The following NBEA variants were observed in gnomAD, a reference collection of about 807,000 sequenced individuals.
The protein encoded by NBEA is lysosomal-trafficking regulator 2.
Under a neutral mutation model 343.4 loss-of-function variants are expected in NBEA, and 44 were observed. That is an observed-to-expected ratio of 0.13 (90% CI 0.10 to 0.16). NBEA has a LOEUF of 0.16. NBEA is among the 10% of genes least tolerant of loss of function. The pLI, the probability that NBEA is intolerant of heterozygous loss-of-function variation, is 1.00. For synonymous variants in NBEA, 1,175 were observed against 1,238.7 expected, an observed-to-expected ratio of 0.95 and a Z score of 1.08; for missense variants, 2,555 against 3,631.3, an observed-to-expected ratio of 0.70 and a Z score of 7.62.
At chr13:35,270,453 C>T (rs1267864998) in intron 34 of NBEA, among the ~76,000 whole-genome samples, 1 of 152,186 alleles carries the variant, frequency 6.6e-6, no homozygotes, top group Non-Finnish European at 1.5e-5. Context: ...AGTGAGGTAC[C>T]TCGTTCATCT....
chr13:35,193,332 G>T (rs963415013), intron 30 of NBEA, among the ~76,000 whole-genome samples: 2 of 151,834 alleles, frequency 1.3e-5, no homozygotes, highest in African/African-American at 4.8e-5. Flanking sequence ...GCCTCAGTTT[G>T]AATGATCCCA....
intron 10 of NBEA, among the ~76,000 whole-genome samples, chr13:35,073,611 A>G (rs1461889404): frequency 6.6e-6 from 1 of 151,942 alleles, no homozygotes; most frequent in Non-Finnish European, 1.5e-5. Context: ...ATCAACTTTG[A>G]TGAGTTTTTA....
chr13:35,626,448 C>A (rs1370162584), intron 48 of NBEA, among the ~76,000 whole-genome samples: 1 of 152,116 alleles, frequency 6.6e-6, no homozygotes. Context: ...TTTCATCAAA[C>A]CTTTCTTTAG....
intron 54 of NBEA, 81 bp from the exon 55 acceptor site, chr13:35,655,498 T>A (rs191673951): frequency 1.4e-4 from 197 of 1,381,464 alleles, no homozygotes; most frequent in Admixed American, 1.1e-3. Context: ...TAAAATTTTT[T>A]AAAAAATCTG....
intron 41 of NBEA, among the ~76,000 whole-genome samples, chr13:35,500,916 T>C (rs2076863911): frequency 6.6e-6 from 1 of 152,038 alleles, no homozygotes; most frequent in Admixed American, 6.6e-5. Flanking sequence ...ACCATCAAGA[T>C]ATATTTATAT....
At chr13:35,232,747 A>AG in intron 34 of NBEA, 128 bp downstream of exon 34, 1 of 688,400 alleles carries the variant, frequency 1.5e-6, no homozygotes, top group Admixed American at 3.9e-5. Context: ...AAATTCTAAT[A>AG]AGATATTCAA....
At chr13:35,259,034 G>T (rs1275513341) in intron 34 of NBEA, among the ~76,000 whole-genome samples, 1 of 152,170 alleles carries the variant, frequency 6.6e-6, no homozygotes, top group African/African-American at 2.4e-5. Flanking sequence ...TCAACTTACA[G>T]TGGGCTTATC....
intron 1 of NBEA, among the ~76,000 whole-genome samples, chr13:34,959,164 A>C (rs1157405905): frequency 2.6e-5 from 4 of 152,122 alleles, no homozygotes; most frequent in African/African-American, 9.7e-5. Flanking sequence ...GTTTTTTAAG[A>C]GTTGAGGTTT....
At chr13:34,962,815 G>C (rs537662584) in intron 1 of NBEA, among the ~76,000 whole-genome samples, 1 of 151,956 alleles carries the variant, frequency 6.6e-6, no homozygotes, top group Non-Finnish European at 1.5e-5. Flanking sequence ...GATGTGTTTT[G>C]TGAAGATTTA....
At chr13:35,353,657 G>A (rs554832545) in intron 38 of NBEA, among the ~76,000 whole-genome samples, 3 of 152,114 alleles carry the variant, frequency 2.0e-5, no homozygotes, top group South Asian at 2.1e-4. Context: ...TGTTGTGTGC[G>A]AGGGACCATA....
At chr13:34,961,530 T>G (rs759107450) in intron 1 of NBEA, among the ~76,000 whole-genome samples, 16 of 152,084 alleles carry the variant, frequency 1.1e-4, no homozygotes, top group Middle Eastern at 3.2e-3. Flanking sequence ...AATATGTATA[T>G]TCATTTTCAA....
chr13:35,520,898 G>A (rs1019720593), intron 41 of NBEA, among the ~76,000 whole-genome samples: 7 of 151,738 alleles, frequency 4.6e-5, no homozygotes, highest in Non-Finnish European at 1.0e-4. Flanking sequence ...AACTTTTTTC[G>A]GACATATCTT....
At chr13:35,648,692 T>C (rs2084364123) in intron 51 of NBEA, among the ~76,000 whole-genome samples, 1 of 152,170 alleles carries the variant, frequency 6.6e-6, no homozygotes, top group Non-Finnish European at 1.5e-5. Context: ...ATTTCCAGCC[T>C]CCCTACTTTA....
rs559844063 is a variant in NBEA, at chr13:35,459,005, GCCC to G, written c.6448+6781_6448+6783del. ...GGTAAGTTTATATTTCTTTACCACCGCCCCCCCCCCCCCACACACACACACACA... is the reference window on the plus strand; with the variant it reads ...GGTAAGTTTATATTTCTTTACCACCGCCCCCCCCCCACACACACACACACA... On this transcript the variant is annotated intron_variant, in intron 40 of 58. Transcript: ENST00000379939. Among the ~76,000 whole-genome samples the G allele has an allele frequency of 3.6e-4, 36 of 100,536 alleles. 1 individual carries two copies. The highest frequency in any genetic ancestry group is 1.4e-3 in the African/African-American group (30 of 21,502). The allele number at this position is 100,536 out of a possible 152,430, so 66.0% of individuals were successfully genotyped here.
At chr13:35,216,023 A>G (rs1401352426) in intron 33 of NBEA, among the ~76,000 whole-genome samples, 1 of 151,576 alleles carries the variant, frequency 6.6e-6, no homozygotes, top group Non-Finnish European at 1.5e-5. Flanking sequence ...TATAAGCATG[A>G]TCCCTAATGA....
chr13:35,643,240 C>T (rs1273244464), intron 49 of NBEA, among the ~76,000 whole-genome samples: 1 of 152,062 alleles, frequency 6.6e-6, no homozygotes, highest in Non-Finnish European at 1.5e-5. Flanking sequence ...TCCTAAGAAC[C>T]TATTCCCCTT....
chr13:35,130,290 C>G (rs1482344879), intron 17 of NBEA, among the ~76,000 whole-genome samples: 1 of 151,876 alleles, frequency 6.6e-6, no homozygotes, highest in Non-Finnish European at 1.5e-5. Context: ...AAAGTGTTCA[C>G]TTGTATGGGG....
intron 38 of NBEA, among the ~76,000 whole-genome samples, chr13:35,421,903 T>A (rs1212894649): frequency 6.6e-6 from 1 of 152,116 alleles, no homozygotes. Context: ...CTTCTGCAGA[T>A]GAGATGCCAC....
chr13:35,258,231 G>T (rs1157791191), intron 34 of NBEA, among the ~76,000 whole-genome samples: 4 of 150,312 alleles, frequency 2.7e-5, no homozygotes, highest in Non-Finnish European at 4.4e-5. Flanking sequence ...GCAGTGGCGC[G>T]ATCTCCACTC....
Sources: allele counts gnomAD v4.1 joint callset (sites outside exome capture counted in the v4.1 genomes callset), GRCh38; gene constraint gnomAD v4.1.1; transcripts MANE v1.5; gene names NCBI Gene and HGNC (gene_info 2026-07-23, HGNC 2026-07-21).